Variants in ADARB2 observed in about 807,000 individuals in gnomAD.
The protein encoded by ADARB2 is adenosine deaminase RNA specific B2 (inactive).
ADARB2 carries 25 observed loss-of-function variants against 62.2 expected under a neutral mutation model. That is an observed-to-expected ratio of 0.40 (90% CI 0.29 to 0.56). The LOEUF is 0.56. Among genes scored for constraint, ADARB2 ranks in the 20% least tolerant of loss-of-function variants. ADARB2 has a pLI of 0.43. For missense variants in ADARB2, 1,071 were observed against 1,077.4 expected (o/e 0.99, Z 0.08); for synonymous variants, 572 against 500.8 (o/e 1.14, Z -1.90).
intron 7 of ADARB2, among the ~76,000 whole-genome samples, chr10:1,214,780 A>G (rs187421071): frequency 7.2e-4 from 109 of 152,360 alleles, no homozygotes; most frequent in Middle Eastern, 3.4e-3. Flanking sequence ...AACATTGTAA[A>G]GGAAGAATAC....
intron 3 of ADARB2, among the ~76,000 whole-genome samples, chr10:1,330,609 G>A (rs539356910): frequency 6.6e-6 from 1 of 152,324 alleles, no homozygotes; most frequent in Admixed American, 6.5e-5. Flanking sequence ...TCTACTCAAC[G>A]TTGCACTGAA....
intron 1 of ADARB2, among the ~76,000 whole-genome samples, chr10:1,608,016 A>G (rs1366475788): frequency 6.6e-6 from 1 of 152,240 alleles, no homozygotes; most frequent in Non-Finnish European, 1.5e-5. Context: ...ATGGGGGGCC[A>G]AGACCACAGC....
intron 1 of ADARB2, among the ~76,000 whole-genome samples, chr10:1,652,912 C>T (rs1039737946): frequency 2.6e-5 from 4 of 152,152 alleles, no homozygotes; most frequent in African/African-American, 9.7e-5. Flanking sequence ...AGTTGGGGGG[C>T]ATGCACGCTT....
At position 1,394,079 on chromosome 10, in the gene ADARB2, G is replaced by T. The variant is rs1249430526; in HGVS notation, c.101-14919C>A. Among the ~76,000 whole-genome samples the T allele has an allele frequency of 3.3e-5, 5 of 152,302 alleles. No individual in the cohort carries two copies. In the East Asian group the frequency reaches 9.7e-4, roughly 29 times the overall value. The stretch of plus-strand genomic sequence containing the variant: ...CACTTGCTCCACTCACTCGTCCCAG[G>T]TTTAGAAGAGAAAGCGCAGAGCCAT... On this transcript the variant is annotated intron_variant, in intron 1 of 9. Coordinates refer to ENST00000381312, the MANE Select transcript of ADARB2 (RefSeq NM_018702.4).
At chr10:1,219,534 G>C (rs192276142) in intron 6 of ADARB2, among the ~76,000 whole-genome samples, 1 of 152,188 alleles carries the variant, frequency 6.6e-6, no homozygotes, top group African/African-American at 2.4e-5. Flanking sequence ...AATTTGGACC[G>C]GTCTTTGAGT....
intron 1 of ADARB2, among the ~76,000 whole-genome samples, chr10:1,595,147 G>A (rs1402989013): frequency 6.6e-6 from 1 of 152,182 alleles, no homozygotes; most frequent in South Asian, 2.1e-4. Context: ...TAACATAGCC[G>A]AGGTTCCTCC....
intron 3 of ADARB2, among the ~76,000 whole-genome samples, chr10:1,327,964 T>TTC (rs1831890588): frequency 8.4e-6 from 1 of 118,476 alleles, no homozygotes; most frequent in African/African-American, 3.2e-5. Context: ...GTCTCACCAG[T>TTC]ACTCAGCGCC....
intron 8 of ADARB2, among the ~76,000 whole-genome samples, chr10:1,193,251 C>A (rs546937753): frequency 2.0e-5 from 3 of 152,140 alleles, no homozygotes; most frequent in African/African-American, 7.2e-5. Flanking sequence ...AAGAGACCAC[C>A]GAGGAGTCGG....
At chr10:1,269,529 C>A (rs1222904431) in intron 4 of ADARB2, among the ~76,000 whole-genome samples, 1 of 152,218 alleles carries the variant, frequency 6.6e-6, no homozygotes, top group Non-Finnish European at 1.5e-5. Flanking sequence ...TCAAAATAAC[C>A]TGATCAGGTA....
intron 1 of ADARB2, chr10:1,556,928 C>T (rs1435292063): frequency 8.9e-6 from 4 of 447,958 alleles, no homozygotes; most frequent in Non-Finnish European, 1.9e-5. Context: ...TTTTTGGTGA[C>T]CTCAATATTT....
At chr10:1,702,834 G>A (rs1007056769) in intron 1 of ADARB2, among the ~76,000 whole-genome samples, 1 of 152,196 alleles carries the variant, frequency 6.6e-6, no homozygotes, top group Non-Finnish European at 1.5e-5. Context: ...TGATGAGTAT[G>A]GGTTATTTTT....
At chr10:1,251,045 A>G (rs1398551599) in intron 4 of ADARB2, among the ~76,000 whole-genome samples, 1 of 152,260 alleles carries the variant, frequency 6.6e-6, no homozygotes, top group Admixed American at 6.5e-5. Flanking sequence ...TCTGAGAAAT[A>G]AAATTGCATC....
At chr10:1,209,350 T>C (rs868530599) in intron 7 of ADARB2, among the ~76,000 whole-genome samples, 2,606 of 104,944 alleles carry the variant, frequency 0.025, 143 homozygotes, top group African/African-American at 0.09. Context: ...CCCATGCCCA[T>C]GCCTACACCG....
intron 1 of ADARB2, among the ~76,000 whole-genome samples, chr10:1,465,308 G>C (rs911866555): frequency 1.3e-5 from 2 of 152,180 alleles, no homozygotes; most frequent in Non-Finnish European, 2.9e-5. Flanking sequence ...TCAGCCATGT[G>C]TGCTTGTCAA....
In ADARB2 at chr10:1,199,720, C is replaced by A. The variant is rs190323595; in HGVS notation, c.1864+246G>T. The A allele has an allele frequency of 1.6e-3, 703 of 447,572 alleles. 8 individuals are homozygous for A. The East Asian group carries it at 0.023, about 14-fold the overall frequency. 27.7% of individuals were successfully genotyped at this position (447,572 alleles called of 1,614,324 possible). A position where few individuals can be genotyped will look rare whatever the true frequency, so the allele number is the denominator to read the frequency against. ...TCTGTTTTCAGAACTCCTTCAGACACCGCTGTGAAAACAGCACCATCACAC... is the reference window on the plus strand; with the variant it reads ...TCTGTTTTCAGAACTCCTTCAGACAACGCTGTGAAAACAGCACCATCACAC... On this transcript the variant is annotated intron_variant, in intron 8 of 9. Transcript: ENST00000381312.
At chr10:1,636,628 A>G (rs1833919841) in intron 1 of ADARB2, among the ~76,000 whole-genome samples, 2 of 152,044 alleles carry the variant, frequency 1.3e-5, no homozygotes, top group Non-Finnish European at 2.9e-5. Flanking sequence ...AATGTTGGTA[A>G]GAACACTTTG....
chr10:1,279,512 C>G (rs1254277115), intron 3 of ADARB2, among the ~76,000 whole-genome samples: 1 of 152,152 alleles, frequency 6.6e-6, no homozygotes, highest in African/African-American at 2.4e-5. Flanking sequence ...GGCAGGGTCT[C>G]AATGTGTTGC....
intron 3 of ADARB2, among the ~76,000 whole-genome samples, chr10:1,315,075 G>C (rs1032946686): frequency 1.3e-5 from 2 of 152,202 alleles, no homozygotes; most frequent in African/African-American, 4.8e-5. Context: ...CCTGGGCAGG[G>C]AGCCCTGAGT....
chr10:1,337,363 G>T (rs1831984244), intron 3 of ADARB2, among the ~76,000 whole-genome samples: 1 of 152,144 alleles, frequency 6.6e-6, no homozygotes, highest in Admixed American at 6.5e-5. Context: ...TAGATGGCAG[G>T]CTGGGCTCAA....
Sources: gnomAD v4.1 joint callset for allele counts (sites outside exome capture counted in the v4.1 genomes callset) on GRCh38, gnomAD v4.1.1 for gene constraint, MANE v1.5 for transcripts, NCBI Gene and HGNC (gene_info 2026-07-23, HGNC 2026-07-21) for gene names.